Variants in SCN1A observed in about 807,000 individuals in gnomAD.
SCN1A encodes the protein sodium voltage-gated channel alpha subunit 1.
SCN1A carries 13 observed loss-of-function variants against 193.7 expected under a neutral mutation model. That is an observed-to-expected ratio of 0.07 (90% confidence interval 0.04 to 0.11). The LOEUF (loss-of-function observed/expected upper bound fraction) is 0.11, where lower values mean the gene tolerates loss of function less well. SCN1A is among the 10% of genes least tolerant of loss of function. The pLI is 1.00. For synonymous variants in SCN1A, 781 were observed against 843.6 expected (o/e 0.93, Z 1.29); for missense variants, 1,432 against 2,451.1 (o/e 0.58, Z 8.78).
chr2:166,089,266 T>C (rs1193112757), intron 2 of SCN1A, among the ~76,000 whole-genome samples: 3 of 152,122 alleles, frequency 2.0e-5, no homozygotes, highest in African/African-American at 4.8e-5. Flanking sequence ...ACATTATTCA[T>C]TGTTTATCTG....
chr2:166,011,501 C>T (rs1186372644), intron 22 of SCN1A, among the ~76,000 whole-genome samples: 2 of 149,308 alleles, frequency 1.3e-5, no homozygotes, highest in Non-Finnish European at 1.5e-5. Flanking sequence ...AAAACTTTCA[C>T]TGCTGAATAA....
At chr2:166,005,562 A>C in intron 23 of SCN1A, among the ~76,000 whole-genome samples, 1 of 151,496 alleles carries the variant, frequency 6.6e-6, no homozygotes, top group East Asian at 1.9e-4. Context: ...ACATAAAATA[A>C]CTTTATCTTA....
intron 2 of SCN1A, among the ~76,000 whole-genome samples, chr2:166,118,353 C>G (rs943018535): frequency 9.1e-6 from 1 of 109,518 alleles, no homozygotes; most frequent in African/African-American, 3.6e-5. Flanking sequence ...CACTCTCTTG[C>G]GCAGGCTGGA....
rs965957926 is a variant in SCN1A at position 166,087,402 on chromosome 2, A to G, written c.-141-9601T>C. ...AATCGCTTGAACCTGGGAAGCTGGG[A>G]GGGAGAGGTTGCGGTGAGCCAAGAG... On this transcript the variant is annotated intron_variant, in intron 2 of 28. Coordinates refer to ENST00000674923, the MANE Select transcript of SCN1A (RefSeq NM_001165963.4). 7.2e-5 allele frequency among the ~76,000 whole-genome samples: 11 copies of G among 152,160 alleles called. No homozygotes were observed. In the South Asian group the frequency reaches 2.3e-3, roughly 32 times the overall value.
chr2:166,044,987 C>A, intron 13 of SCN1A, 56 bp downstream of exon 13: 7 of 1,579,670 alleles, frequency 4.4e-6, no homozygotes, highest in Non-Finnish European at 6.1e-6. Context: ...AATTCTCCCC[C>A]TCTCTCCCAT....
intron 19 of SCN1A, among the ~76,000 whole-genome samples, chr2:166,018,056 G>T (rs1466463351): frequency 6.6e-6 from 1 of 151,954 alleles, no homozygotes; most frequent in African/African-American, 2.4e-5. Context: ...AGGTGAATTA[G>T]ATCCTGGCAT....
chr2:166,106,760 G>T (rs1688740130), intron 2 of SCN1A, among the ~76,000 whole-genome samples: 1 of 152,116 alleles, frequency 6.6e-6, no homozygotes, highest in Admixed American at 6.5e-5. Flanking sequence ...ATTGCTAATG[G>T]TCCACATTGC....
intron 2 of SCN1A, among the ~76,000 whole-genome samples, chr2:166,117,979 T>G (rs1690061000): frequency 1.3e-5 from 2 of 151,868 alleles, no homozygotes. Flanking sequence ...AAAAATTTTT[T>G]TTTTGATTTT....
intron 10 of SCN1A, 53 bp from the exon 11 acceptor site, chr2:166,047,821 C>G (rs1287615764): frequency 1.2e-6 from 2 of 1,610,422 alleles, no homozygotes; most frequent in African/African-American, 2.7e-5. Context: ...CCTTTTTACT[C>G]TGATACTATG....
intron 9 of SCN1A, among the ~76,000 whole-genome samples, chr2:166,050,488 A>G (rs1193867299): frequency 1.3e-5 from 2 of 150,582 alleles, no homozygotes; most frequent in African/African-American, 4.9e-5. Context: ...TTGAACTTAG[A>G]TAAAACAAAC....
At chr2:166,050,518 G>T (rs889006935) in intron 9 of SCN1A, among the ~76,000 whole-genome samples, 2 of 110,462 alleles carry the variant, frequency 1.8e-5, no homozygotes, top group African/African-American at 7.6e-5. Flanking sequence ...ATTTCAGGGA[G>T]CTGGTGATTG....
At chr2:165,999,031 T>C (rs1690467063) in intron 25 of SCN1A, 1 of 151,514 alleles carries the variant, frequency 6.6e-6, no homozygotes, top group African/African-American at 2.4e-5. Context: ...TGAAGGTTGA[T>C]AGAAAATACT....
At chr2:166,023,775 A>T (rs926154639) in intron 19 of SCN1A, among the ~76,000 whole-genome samples, 2 of 151,388 alleles carry the variant, frequency 1.3e-5, no homozygotes, top group African/African-American at 4.9e-5. Flanking sequence ...AAGAAAAAAA[A>T]ATGATGTTTT....
In SCN1A at chr2:166,041,405, G is replaced by A; in HGVS notation, c.2241C>T (p.Ile747=). The change falls in exon 16 of 29, where the codon ATC becomes ATT. Residue 747 remains isoleucine, a synonymous_variant. Transcript: ENST00000674923. The stretch of plus-strand genomic sequence containing the variant: ...TTAACCAATATGGAGAACAGTCCCA[G>A]ATTAAGAATATGTTGGAAAATTTAT... ...CWYKFSNIFL[I]WDCSPYWLKV... is the part of the protein sequence containing the mutation. 3 of 1,610,680 alleles carry A rather than the reference G, an allele frequency of 1.9e-6. No homozygotes were observed. Among genetic ancestry groups the A allele is most frequent in the Non-Finnish European group, 2.5e-6 (3 of 1,179,022 alleles).
intron 2 of SCN1A, among the ~76,000 whole-genome samples, chr2:166,105,400 C>G (rs929997059): frequency 5.3e-5 from 8 of 152,256 alleles, no homozygotes; most frequent in African/African-American, 1.9e-4. Context: ...AATTACAGAC[C>G]TCATACACAT....
At chr2:166,108,389 A>G (rs1688928979) in intron 2 of SCN1A, among the ~76,000 whole-genome samples, 1 of 152,128 alleles carries the variant, frequency 6.6e-6, no homozygotes, top group Non-Finnish European at 1.5e-5. Flanking sequence ...CCATTTGGAA[A>G]TACACTGGCA....
At chr2:166,126,718 T>G (rs1033221126) in intron 2 of SCN1A, among the ~76,000 whole-genome samples, 7 of 152,204 alleles carry the variant, frequency 4.6e-5, no homozygotes, top group Admixed American at 2.6e-4. Context: ...ATTTGCAAGT[T>G]TGCTACTGCA....
chr2:166,028,477 T>G (rs1309752945), intron 19 of SCN1A, among the ~76,000 whole-genome samples: 1 of 152,066 alleles, frequency 6.6e-6, no homozygotes, highest in African/African-American at 2.4e-5. Flanking sequence ...AATGAAAGAG[T>G]TGAAAGTACT....
At chr2:166,048,362 A>G (rs1698099580) in intron 10 of SCN1A, among the ~76,000 whole-genome samples, 2 of 152,030 alleles carry the variant, frequency 1.3e-5, no homozygotes, top group South Asian at 2.1e-4. Context: ...CCCACCTTGC[A>G]CACTCTGGTA....
Sources: allele counts gnomAD v4.1 joint callset (sites outside exome capture counted in the v4.1 genomes callset), GRCh38; gene constraint gnomAD v4.1.1; transcripts MANE v1.5; gene names NCBI Gene and HGNC (gene_info 2026-07-23, HGNC 2026-07-21).